Variants in DSCAM observed in about 807,000 individuals in gnomAD.
DSCAM encodes cell adhesion molecule DSCAM.
Under a neutral mutation model 217.7 loss-of-function variants are expected in DSCAM, and 47 were observed. The observed-to-expected ratio is 0.22, with a 90% CI of 0.17 to 0.28. The LOEUF (loss-of-function observed/expected upper bound fraction) is 0.28, where lower values mean the gene tolerates loss of function less well. DSCAM is among the 10% of genes least tolerant of loss of function. The pLI, the probability that DSCAM is intolerant of heterozygous loss-of-function variation, is 1.00. For missense variants in DSCAM, 2,080 were observed against 2,618.3 expected, an observed-to-expected ratio of 0.79 and a Z score of 4.49; for synonymous variants, 1,056 against 1,015.3, an observed-to-expected ratio of 1.04 and a Z score of -0.76.
At chr21:40,754,615 C>T (rs1353729199) in intron 1 of DSCAM, among the ~76,000 whole-genome samples, 1 of 152,314 alleles carries the variant, frequency 6.6e-6, no homozygotes, top group East Asian at 1.9e-4. Context: ...CTGGCCGTGG[C>T]TGCTCTCAGG....
chr21:40,798,437 G>A (rs1235256425), intron 1 of DSCAM, among the ~76,000 whole-genome samples: 1 of 151,998 alleles, frequency 6.6e-6, no homozygotes, highest in East Asian at 1.9e-4. Context: ...GACCTTTGAA[G>A]ATTATACATA....
rs756342268 is a variant in DSCAM, at chr21:40,633,434, T to C, written c.508+59376A>G. On this transcript the variant is annotated intron_variant, in intron 3 of 32. Coordinates refer to ENST00000400454, the MANE Select transcript of DSCAM (RefSeq NM_001389.5). ...ATGGCTATACTCTTCGTTCCCAATATGTCCTAGAAATTGCTGTTCTCAGTA... is the reference window on the plus strand; with the variant it reads ...ATGGCTATACTCTTCGTTCCCAATACGTCCTAGAAATTGCTGTTCTCAGTA... 4.6e-5 allele frequency among the ~76,000 whole-genome samples: 7 copies of C among 152,220 alleles called. No individual in the cohort carries two copies. In the East Asian group the frequency reaches 5.8e-4, roughly 13 times the overall value.
intron 5 of DSCAM, among the ~76,000 whole-genome samples, chr21:40,348,733 C>T (rs533607647): frequency 1.3e-5 from 2 of 152,298 alleles, no homozygotes; most frequent in East Asian, 3.9e-4. Context: ...TTGGGAACAT[C>T]CTCTTCGCTA....
At chr21:40,413,042 G>C (rs575591581) in intron 3 of DSCAM, among the ~76,000 whole-genome samples, 1 of 152,228 alleles carries the variant, frequency 6.6e-6, no homozygotes, top group Non-Finnish European at 1.5e-5. Flanking sequence ...TTGACCCTGC[G>C]AGTGCACAGA....
At chr21:40,829,317 A>G (rs1026553838) in intron 1 of DSCAM, among the ~76,000 whole-genome samples, 2 of 152,110 alleles carry the variant, frequency 1.3e-5, no homozygotes, top group African/African-American at 4.8e-5. Flanking sequence ...AGGTTTGGGG[A>G]GGTGAGAAAG....
chr21:40,683,562 T>C (rs944252632), intron 3 of DSCAM, among the ~76,000 whole-genome samples: 4 of 151,988 alleles, frequency 2.6e-5, no homozygotes, highest in Non-Finnish European at 5.9e-5. Flanking sequence ...AATACGGTAA[T>C]TACTAAAGAG....
intron 11 of DSCAM, among the ~76,000 whole-genome samples, chr21:40,194,956 C>T (rs994235306): frequency 3.3e-5 from 5 of 152,128 alleles, no homozygotes; most frequent in African/African-American, 9.7e-5. Flanking sequence ...CAGAATAATA[C>T]TTAGGAGAGT....
chr21:40,613,762 A>G (rs1010527031), intron 3 of DSCAM, among the ~76,000 whole-genome samples: 2 of 151,970 alleles, frequency 1.3e-5, no homozygotes, highest in African/African-American at 4.8e-5. Context: ...GCTGCTCACC[A>G]CAGGGAATCT....
At chr21:40,611,824 A>G (rs1217243164) in intron 3 of DSCAM, among the ~76,000 whole-genome samples, 2 of 145,148 alleles carry the variant, frequency 1.4e-5, no homozygotes, top group African/African-American at 2.5e-5. Flanking sequence ...TAATTATTTG[A>G]TAATTCTGGA....
intron 16 of DSCAM, among the ~76,000 whole-genome samples, chr21:40,149,302 C>T (rs1295180078): frequency 2.1e-5 from 3 of 142,900 alleles, no homozygotes; most frequent in Admixed American, 1.3e-4. Context: ...ACTATCACCA[C>T]CACCATCCGT....
chr21:40,762,131 A>G (rs1296459304), intron 1 of DSCAM, among the ~76,000 whole-genome samples: 1 of 152,220 alleles, frequency 6.6e-6, no homozygotes, highest in East Asian at 1.9e-4. Flanking sequence ...TGAAGGAGTT[A>G]GACACATGAA....
At chr21:40,441,859 G>A (rs1198928965) in intron 3 of DSCAM, among the ~76,000 whole-genome samples, 1 of 152,084 alleles carries the variant, frequency 6.6e-6, no homozygotes, top group Non-Finnish European at 1.5e-5. Flanking sequence ...TCATTTCTGA[G>A]TTTGTTGGCA....
Position 40,742,650 on chromosome 21 carries a change from G to A in DSCAM, c.44-33879C>T, listed in dbSNP as rs1052942170. Among the ~76,000 whole-genome samples, 14 of 152,214 alleles carry A rather than the reference G, an allele frequency of 9.2e-5. 1 individual carries two copies. The South Asian group carries it at 2.5e-3, about 27-fold the overall frequency. ...TAAAGAAAATCCAGAAAACAGAGTA[G>A]AGGTTTGAGAAAGCAGTTAAGGGCA... On this transcript the variant is annotated intron_variant, in intron 1 of 32. Transcript: ENST00000400454.
At chr21:40,186,213 C>T (rs1401546215) in intron 14 of DSCAM, among the ~76,000 whole-genome samples, 1 of 152,196 alleles carries the variant, frequency 6.6e-6, no homozygotes, top group African/African-American at 2.4e-5. Flanking sequence ...CATTTCCTCA[C>T]TCCTGACCTG....
chr21:40,569,628 G>T (rs373754907), intron 3 of DSCAM, among the ~76,000 whole-genome samples: 1 of 152,090 alleles, frequency 6.6e-6, no homozygotes, highest in Non-Finnish European at 1.5e-5. Context: ...CACTTCAAGC[G>T]CTTCCTCTTC....
intron 11 of DSCAM, among the ~76,000 whole-genome samples, chr21:40,250,168 T>C (rs2073282588): frequency 6.6e-6 from 1 of 152,176 alleles, no homozygotes; most frequent in Non-Finnish European, 1.5e-5. Flanking sequence ...GAATGACCTA[T>C]GACGGTTTGG....
intron 3 of DSCAM, among the ~76,000 whole-genome samples, chr21:40,685,382 T>C (rs2090462223): frequency 6.6e-6 from 1 of 152,124 alleles, no homozygotes; most frequent in South Asian, 2.1e-4. Flanking sequence ...AGCAATACAG[T>C]TCATGATGAG....
chr21:40,764,477 T>A (rs189976074), intron 1 of DSCAM, among the ~76,000 whole-genome samples: 2 of 152,024 alleles, frequency 1.3e-5, no homozygotes, highest in Non-Finnish European at 2.9e-5. Flanking sequence ...TGCAGAGAAA[T>A]AGGAACACTT....
At chr21:40,192,788 C>T (rs754170621) in intron 11 of DSCAM, among the ~76,000 whole-genome samples, 6 of 152,134 alleles carry the variant, frequency 3.9e-5, no homozygotes, top group Non-Finnish European at 8.8e-5. Context: ...TTGCAGCACA[C>T]GGATATACTG....
Sources: allele counts gnomAD v4.1 joint callset (sites outside exome capture counted in the v4.1 genomes callset), GRCh38; gene constraint gnomAD v4.1.1; transcripts MANE v1.5; gene names NCBI Gene and HGNC (gene_info 2026-07-23, HGNC 2026-07-21).